The following CCND2 variants were observed in gnomAD, a reference collection of about 807,000 sequenced individuals.
CCND2 encodes the protein G1/S-specific cyclin-D2.
CCND2 carries 6 observed loss-of-function variants against 30.2 expected under a neutral mutation model. The observed-to-expected ratio is 0.20, with a 90% confidence interval of 0.11 to 0.39. The LOEUF is 0.39. Ranked by LOEUF, CCND2 falls within the 10% of genes least tolerant of loss-of-function variation. CCND2 has a pLI of 1.00. For missense variants in CCND2, 235 were observed against 373.4 expected, an observed-to-expected ratio of 0.63 and a Z score of 3.06; for synonymous variants, 150 against 153.1, an observed-to-expected ratio of 0.98 and a Z score of 0.15.
At position 4,304,983 on chromosome 12, in the gene CCND2, TTTTTTCTTTTC is replaced by T. The variant is rs1864296557; in HGVS notation, c.*4985_*4995del. ...ATGTAGTTTCTTGTCTTGGACTTTTTTTTTTCTTTTCTTTTTCTTTTTTTTTTTGCTTTAAA... is the reference window on the plus strand; with the variant it reads ...ATGTAGTTTCTTGTCTTGGACTTTTTTTTTTCTTTTTTTTTTTGCTTTAAA... On this transcript the variant is annotated 3_prime_UTR_variant, in exon 5 of 5. Transcript: ENST00000261254. The surrounding 1 kb of genome is among the most constrained non-coding windows in gnomAD (Gnocchi z 6.2). 1 of 227,570 alleles carries T rather than the reference TTTTTTCTTTTC, an allele frequency of 4.4e-6. No individual in the cohort carries two copies. The highest frequency in any genetic ancestry group is 5.8e-5 in the Admixed American group (1 of 17,312). 14.1% of individuals were successfully genotyped at this position (227,570 alleles called of 1,614,324 possible).
Position 4,274,084 on chromosome 12 carries a change from T to A in CCND2, c.44T>A (p.Val15Glu). 2 of 1,613,520 alleles carry A rather than the reference T, an allele frequency of 1.2e-6. No individual in the cohort carries two copies. The highest frequency in any genetic ancestry group is 1.7e-6 in the Non-Finnish European group (2 of 1,179,852). Residue 15 changes from valine to glutamate, a missense_variant, in exon 1 of 5, where the codon GTG becomes GAG. Around this residue, in one of 2 missense-constraint regions of CCND2, gnomAD observed 178 missense variants for 322.8 expected, o/e 0.55. Transcript: ENST00000261254. This position sits in a 1 kb window ranked among gnomAD's most constrained non-coding sequence, Gnocchi z 7.7. ...GAGGTGGACCCGGTCCGCAGGGCCG[T>A]GCGGGACCGCAACCTGCTCCGAGAC... ...CHEVDPVRRAVRDRNLLRDDR... is the reference protein window; with the variant it reads ...CHEVDPVRRAERDRNLLRDDR...
chr12:4,288,778 T>C (rs552937280), intron 3 of CCND2, 64 bp from the exon 4 acceptor site: 1 of 1,522,528 alleles, frequency 6.6e-7, no homozygotes, highest in African/African-American at 1.4e-5. Flanking sequence ...GTCTCTGCAG[T>C]CTCGGGAGCT....
rs1864006022 is a variant in CCND2 at position 4,285,145 on chromosome 12, C to G, written c.572-3697C>G. ...TACTATCTAATGCATTGATGCCCAGCCTTAAGAAGTCTGAATATTGTACGT... is the reference window on the plus strand; with the variant it reads ...TACTATCTAATGCATTGATGCCCAGGCTTAAGAAGTCTGAATATTGTACGT... On this transcript the variant is annotated intron_variant, in intron 3 of 4. Coordinates refer to ENST00000261254, the MANE Select transcript of CCND2 (RefSeq NM_001759.4). The surrounding 1 kb of genome is among the most constrained non-coding windows in gnomAD (Gnocchi z 4.1). The G allele has an allele frequency of 9.4e-6, 2 of 213,862 alleles. No homozygotes were observed. The highest frequency in any genetic ancestry group is 6.5e-5 in the Admixed American group (1 of 15,332). 13.2% of individuals were successfully genotyped at this position (213,862 alleles called of 1,614,324 possible).
rs746879522 is a variant in CCND2 at position 4,274,242 on chromosome 12, CG to C, written c.195+13del. ...GGCCACCTGGATGCTGGAGGTAGGT[CG>C]GGGGGTGGCGCTCGCCAGGAGCCAG... On this transcript the variant is annotated splice_region_variant and intron_variant, in intron 1 of 4. Transcript: ENST00000261254. This position sits in a 1 kb window ranked among gnomAD's most constrained non-coding sequence, Gnocchi z 7.7. 1.9e-6 allele frequency: 3 copies of C among 1,612,458 alleles called. No individual in the cohort carries two copies. The highest frequency in any genetic ancestry group is 1.1e-5 in the South Asian group (1 of 90,940).
In CCND2 at chr12:4,287,502, G is replaced by A. The variant is rs3217846; in HGVS notation, c.572-1340G>A. Among the ~76,000 whole-genome samples, 1,969 of 152,264 alleles carry A rather than the reference G, an allele frequency of 0.013. 61 individuals carry two copies. The highest frequency in any genetic ancestry group is 0.046 in the African/African-American group (1,890 of 41,516). On this transcript the variant is annotated intron_variant, in intron 3 of 4. Transcript: ENST00000261254. This position sits in a 1 kb window ranked among gnomAD's most constrained non-coding sequence, Gnocchi z 4.0. ...CGTGCCCCTTCCATGTCTACACACA[G>A]TAAGCTCACTAGAGCAATGCTAAAA...
chr12:4,300,355 T>A lies in CCND2; in HGVS notation c.*346T>A, dbSNP rs773748390. The A allele has an allele frequency of 2.1e-5, 5 of 238,292 alleles. No homozygotes were observed. The highest frequency in any genetic ancestry group is 4.1e-5 in the Non-Finnish European group (5 of 121,580). The allele number at this position is 238,292 out of a possible 1,614,324, so 14.8% of individuals were successfully genotyped here. On this transcript the variant is annotated 3_prime_UTR_variant, in exon 5 of 5. Coordinates refer to ENST00000261254, the MANE Select transcript of CCND2 (RefSeq NM_001759.4). Reference sequence around the variant, plus strand: ...AATATGGGAACAAATTAGAGGAGACTTTTTTTTTTCATGTTATGAGCTAGC... The same window carrying A: ...AATATGGGAACAAATTAGAGGAGACATTTTTTTTTCATGTTATGAGCTAGC...
At chr12:4,296,343 G>A (rs1038620116) in intron 4 of CCND2, among the ~76,000 whole-genome samples, 11 of 152,258 alleles carry the variant, frequency 7.2e-5, no homozygotes, top group African/African-American at 2.7e-4. Flanking sequence ...CGGGAGGCGA[G>A]AGGGATTTTG....
chr12:4,278,695 C>T (rs1337057426), intron 2 of CCND2, 65 bp from the exon 3 acceptor site: 1 of 1,553,250 alleles, frequency 6.4e-7, no homozygotes, highest in Non-Finnish European at 8.8e-7. Flanking sequence ...CAACCCCCAG[C>T]CCCCTACACC....
rs750148470 is a variant in CCND2, at chr12:4,274,086, C to A, written c.46C>A (p.Arg16=). The A allele has an allele frequency of 2.5e-6, 4 of 1,613,202 alleles. No homozygotes were observed. In the African/African-American group the frequency reaches 4.0e-5, roughly 16 times the overall value. Residue 16 remains arginine (R), a synonymous_variant, in exon 1 of 5, where the codon CGG becomes AGG. Coordinates refer to ENST00000261254, the MANE Select transcript of CCND2 (RefSeq NM_001759.4). The surrounding 1 kb of genome is among the most constrained non-coding windows in gnomAD (Gnocchi z 7.7). ...GGTGGACCCGGTCCGCAGGGCCGTG[C>A]GGGACCGCAACCTGCTCCGAGACGA... ...HEVDPVRRAV[R]DRNLLRDDRV...
intron 4 of CCND2, among the ~76,000 whole-genome samples, chr12:4,294,187 G>A (rs1156407972): frequency 1.3e-5 from 2 of 151,754 alleles, no homozygotes; most frequent in Non-Finnish European, 1.5e-5. Flanking sequence ...CGCGGAGCTC[G>A]AGCCAGCAAG....
At chr12:4,283,563 A>G (rs1283165854) in intron 3 of CCND2, among the ~76,000 whole-genome samples, 2 of 152,234 alleles carry the variant, frequency 1.3e-5, no homozygotes, top group Non-Finnish European at 2.9e-5. Context: ...GTAAAAGGAG[A>G]TGTTTGAAAC....
chr12:4,283,564 T>C (rs1287787953), intron 3 of CCND2, among the ~76,000 whole-genome samples: 1 of 152,270 alleles, frequency 6.6e-6, no homozygotes, highest in East Asian at 1.9e-4. Context: ...TAAAAGGAGA[T>C]GTTTGAAACA....
At chr12:4,291,540 A>T (rs555380263) in intron 4 of CCND2, among the ~76,000 whole-genome samples, 2 of 152,186 alleles carry the variant, frequency 1.3e-5, no homozygotes, top group Non-Finnish European at 2.9e-5. Flanking sequence ...CAGTTGTATG[A>T]TGAAGCAAGA....
chr12:4,289,044 G>A (rs1864060794), intron 4 of CCND2, 54 bp downstream of exon 4: 4 of 1,502,642 alleles, frequency 2.7e-6, no homozygotes, highest in Non-Finnish European at 3.6e-6. Flanking sequence ...TCAGCTCAGG[G>A]AAGGAGACGA....
At chr12:4,283,764 C>T (rs1863984585) in intron 3 of CCND2, among the ~76,000 whole-genome samples, 1 of 152,224 alleles carries the variant, frequency 6.6e-6, no homozygotes, top group Admixed American at 6.5e-5. Flanking sequence ...GTTATCTGGG[C>T]ATCGTTCCTT....
Position 4,285,387 on chromosome 12 carries a change from T to C in CCND2, c.572-3455T>C. 1.0e-6 allele frequency: 1 copy of C among 985,424 alleles called. No individual in the cohort carries two copies. Among genetic ancestry groups the C allele is most frequent in the South Asian group, 4.7e-5 (1 of 21,288 alleles). 61.0% of individuals were successfully genotyped at this position (985,424 alleles called of 1,614,324 possible). A position where few individuals can be genotyped will look rare whatever the true frequency, so the allele number is the denominator to read the frequency against. On this transcript the variant is annotated intron_variant, in intron 3 of 4. Transcript: ENST00000261254. This position sits in a 1 kb window ranked among gnomAD's most constrained non-coding sequence, Gnocchi z 4.1. ...GCCTTCTGCACCAGCATATTGCTTGTTGGCATTTTTGATCAAGAGACTTAA... is the reference window on the plus strand; with the variant it reads ...GCCTTCTGCACCAGCATATTGCTTGCTGGCATTTTTGATCAAGAGACTTAA...
Position 4,304,861 on chromosome 12 carries a change from TCC to T in CCND2, c.*4855_*4856del, listed in dbSNP as rs1374816945. On this transcript the variant is annotated 3_prime_UTR_variant, in exon 5 of 5. Coordinates refer to ENST00000261254, the MANE Select transcript of CCND2 (RefSeq NM_001759.4). This position sits in a 1 kb window ranked among gnomAD's most constrained non-coding sequence, Gnocchi z 6.2. ...TCTTAACTGCTGGCCAACTCTTACA[TCC>T]CCAGCAAATCATCGGGCCATTGGAT... 1.7e-5 allele frequency: 4 copies of T among 233,594 alleles called. No individual in the cohort carries two copies. Among genetic ancestry groups the T allele is most frequent in the African/African-American group, 6.6e-5 (3 of 45,344 alleles). 14.5% of individuals were successfully genotyped at this position (233,594 alleles called of 1,614,324 possible).
At chr12:4,275,816 A>G (rs1565431425) in intron 1 of CCND2, among the ~76,000 whole-genome samples, 189 bp from the exon 2 acceptor site, 1 of 151,932 alleles carries the variant, frequency 6.6e-6, no homozygotes, top group African/African-American at 2.4e-5. Flanking sequence ...CTGATGGGCT[A>G]TTCTGATTCA....
Position 4,299,268 on chromosome 12 carries a change from G to A in CCND2, c.721-592G>A, listed in dbSNP as rs1333888976. 6.6e-6 allele frequency among the ~76,000 whole-genome samples: 1 copy of A among 152,184 alleles called. No homozygotes were observed. Among genetic ancestry groups the A allele is most frequent in the Non-Finnish European group, 1.5e-5 (1 of 68,028 alleles). On this transcript the variant is annotated intron_variant, in intron 4 of 4. Transcript: ENST00000261254. This position sits in a 1 kb window ranked among gnomAD's most constrained non-coding sequence, Gnocchi z 5.2. ...CCAGCTACTTGGGAGGCTGAGGCAGGAGAATCGCTTGAACCCGGAAGGTGG... is the reference window on the plus strand; with the variant it reads ...CCAGCTACTTGGGAGGCTGAGGCAGAAGAATCGCTTGAACCCGGAAGGTGG...
Sources: gnomAD v4.1 joint callset for allele counts (sites outside exome capture counted in the v4.1 genomes callset) on GRCh38, gnomAD v4.1.1 for gene constraint, gnomAD v4.1.1 regional missense constraint, Gnocchi (gnomAD v3.1) non-coding constraint, MANE v1.5 for transcripts, NCBI Gene and HGNC (gene_info 2026-07-23, HGNC 2026-07-21) for gene names.